ERO1B: variants seen among roughly 807,000 people sequenced by gnomAD.
ERO1B encodes the protein endoplasmic reticulum oxidoreductase 1 beta, also known as ERO1-like protein beta.
A neutral mutation model predicts 75.3 loss-of-function variants in ERO1B; 49 were observed. The ratio of observed to expected loss-of-function variants is 0.65; its 90% CI spans 0.52 to 0.83. ERO1B has a LOEUF of 0.83. ERO1B is among the 40% of genes least tolerant of loss of function. The pLI, the probability that ERO1B is intolerant of heterozygous loss-of-function variation, is 0.00. For synonymous variants in ERO1B, 191 were observed against 192.9 expected (o/e 0.99, Z 0.08); for missense variants, 512 against 560.1 (o/e 0.91, Z 0.87).
chr1:236,263,778 CTTT>C, intron 2 of ERO1B, among the ~76,000 whole-genome samples: 8 of 80,294 alleles, frequency 1.0e-4, no homozygotes, highest in African/African-American at 3.1e-4. Flanking sequence ...ATTTTGTTTG[CTTT>C]TTTTTTTTTT....
intron 2 of ERO1B, among the ~76,000 whole-genome samples, chr1:236,261,256 C>T (rs1404974393): frequency 1.1e-4 from 17 of 152,244 alleles, no homozygotes; most frequent in Admixed American, 1.3e-4. Flanking sequence ...AAGACAAGAA[C>T]GCCCACTCTT....
At chr1:236,270,056 C>CTATTATA in intron 1 of ERO1B, 62 bp from the exon 2 acceptor site, 1 of 1,151,854 alleles carries the variant, frequency 8.7e-7, no homozygotes, top group East Asian at 2.6e-5. Context: ...CAAATCTACA[C>CTATTATA]TATTATATAA....
intron 6 of ERO1B, among the ~76,000 whole-genome samples, chr1:236,237,222 C>T (rs923909224): frequency 6.1e-5 from 9 of 148,498 alleles, no homozygotes; most frequent in Middle Eastern, 3.4e-3. Flanking sequence ...CAGGTTCAAG[C>T]GATTCTCCTG....
chr1:236,220,610 G>A (rs2463191), intron 15 of ERO1B: 149,502 of 326,784 alleles, frequency 0.46, 36,701 homozygotes, highest in East Asian at 0.88. Context: ...CAAAATTAAG[G>A]CAGCAAACTG....
intron 10 of ERO1B, 143 bp downstream of exon 10, chr1:236,230,079 CAT>C (rs749264208): frequency 3.1e-6 from 2 of 641,396 alleles, no homozygotes; most frequent in African/African-American, 1.9e-5. Flanking sequence ...ATTTTATCCC[CAT>C]ATGTTAACCT....
chr1:236,277,553 T>C (rs887214573), intron 1 of ERO1B, among the ~76,000 whole-genome samples: 6 of 152,054 alleles, frequency 3.9e-5, no homozygotes, highest in Non-Finnish European at 5.9e-5. Flanking sequence ...AACATACAAG[T>C]GAAGGGGCTG....
intron 6 of ERO1B, 59 bp from the exon 7 acceptor site, chr1:236,236,457 C>T (rs1664550249): frequency 1.3e-6 from 2 of 1,581,480 alleles, no homozygotes; most frequent in Admixed American, 3.5e-5. Flanking sequence ...TAAGATTTAA[C>T]AGTACAAAGC....
At chr1:236,250,207 C>T (rs1248755921) in intron 4 of ERO1B, among the ~76,000 whole-genome samples, 1 of 152,054 alleles carries the variant, frequency 6.6e-6, no homozygotes, top group Non-Finnish European at 1.5e-5. Flanking sequence ...TGCAGTGGCT[C>T]ACGTCTGTAA....
chr1:236,274,108 C>G (rs2463186), intron 1 of ERO1B, among the ~76,000 whole-genome samples: 40,176 of 151,300 alleles, frequency 0.27, 6,609 homozygotes, highest in Non-Finnish European at 0.37. Context: ...CTCAGCCTCC[C>G]GAGTAGCTGG....
At chr1:236,219,867 T>A (rs552081996) in intron 15 of ERO1B, among the ~76,000 whole-genome samples, 174 of 151,752 alleles carry the variant, frequency 1.1e-3, no homozygotes, top group African/African-American at 3.7e-3. Context: ...ACAAAAAAAA[T>A]TTTTTAATTA....
At chr1:236,225,193 G>A in intron 12 of ERO1B, 54 bp from the exon 13 acceptor site, 2 of 1,524,782 alleles carry the variant, frequency 1.3e-6, no homozygotes, top group Non-Finnish European at 1.8e-6. Context: ...CACGTACTCT[G>A]TATCAGAAAC....
chr1:236,276,586 G>A (rs778272230), intron 1 of ERO1B, among the ~76,000 whole-genome samples: 1 of 152,310 alleles, frequency 6.6e-6, no homozygotes, highest in Non-Finnish European at 1.5e-5. Flanking sequence ...AGAACAAACC[G>A]TTGGCCTTAG....
At chr1:236,270,936 G>A (rs1665575553) in intron 1 of ERO1B, among the ~76,000 whole-genome samples, 1 of 152,160 alleles carries the variant, frequency 6.6e-6, no homozygotes, top group African/African-American at 2.4e-5. Flanking sequence ...TATTTGTGGT[G>A]ACAAAACTGT....
At chr1:236,239,288 GTAAA>G (rs1476408971) in intron 6 of ERO1B, among the ~76,000 whole-genome samples, 1 of 152,020 alleles carries the variant, frequency 6.6e-6, no homozygotes, top group African/African-American at 2.4e-5. Flanking sequence ...GCTTATTTTT[GTAAA>G]TAAAGTTTTC....
chr1:236,220,671 C>A (rs1664115198), intron 15 of ERO1B, 161 bp downstream of exon 15: 2 of 569,078 alleles, frequency 3.5e-6, no homozygotes, highest in Non-Finnish European at 5.5e-6. Context: ...TGTAGAGAAA[C>A]TGACTTGTCA....
intron 8 of ERO1B, among the ~76,000 whole-genome samples, chr1:236,235,154 T>C (rs952482658): frequency 2.6e-5 from 4 of 152,216 alleles, no homozygotes; most frequent in African/African-American, 4.8e-5. Flanking sequence ...GGTTACTTTA[T>C]TGGACAGTAC....
intron 6 of ERO1B, among the ~76,000 whole-genome samples, chr1:236,239,811 G>GTATATATATA (rs1435250421): frequency 5.0e-5 from 3 of 59,612 alleles, no homozygotes; most frequent in East Asian, 7.1e-4. Flanking sequence ...ATATATGTGT[G>GTATATATATA]TATATATATA....
At chr1:236,268,747 G>A (rs1237471087) in intron 2 of ERO1B, among the ~76,000 whole-genome samples, 5 of 152,062 alleles carry the variant, frequency 3.3e-5, no homozygotes, top group Non-Finnish European at 4.4e-5. Flanking sequence ...TTAGCCGTGC[G>A]TGGTGGCAGG....
In ERO1B at chr1:236,239,911, AT is replaced by A. The variant is rs1218642025; in HGVS notation, c.505+3510del. Among the ~76,000 whole-genome samples, 48 of 106,954 alleles carry A rather than the reference AT, an allele frequency of 4.5e-4. 1 individual carries two copies. The highest frequency in any genetic ancestry group is 4.5e-3 in the Middle Eastern group (1 of 220). 70.2% of individuals were successfully genotyped at this position (106,954 alleles called of 152,430 possible). On this transcript the variant is annotated intron_variant, in intron 6 of 15. Coordinates refer to ENST00000354619, the MANE Select transcript of ERO1B (RefSeq NM_019891.4). The stretch of plus-strand genomic sequence containing the variant: ...TGTGTGTATATATATATATATATAT[AT>A]TTTTTTTTTTTGCGATGAGGCTGAC...
Sources: allele counts gnomAD v4.1 joint callset (sites outside exome capture counted in the v4.1 genomes callset), GRCh38; gene constraint gnomAD v4.1.1; transcripts MANE v1.5; gene names NCBI Gene and HGNC (gene_info 2026-07-23, HGNC 2026-07-21).